GRIK1: variants seen among roughly 807,000 people sequenced by gnomAD.
GRIK1 encodes glutamate ionotropic receptor kainate type subunit 1.
Under a neutral mutation model 105.7 loss-of-function variants are expected in GRIK1, and 69 were observed. The observed-to-expected ratio is 0.65, with a 90% CI of 0.54 to 0.80. The LOEUF is 0.80. Ranked by LOEUF, GRIK1 falls within the 30% of genes least tolerant of loss-of-function variation. The pLI is 0.00. For missense variants in GRIK1, 1,109 were observed against 1,167.3 expected, an observed-to-expected ratio of 0.95 and a Z score of 0.73; for synonymous variants, 438 against 431.3, an observed-to-expected ratio of 1.02 and a Z score of -0.19.
At chr21:29,769,987 T>C (rs2065774047) in intron 1 of GRIK1, among the ~76,000 whole-genome samples, 1 of 152,188 alleles carries the variant, frequency 6.6e-6, no homozygotes, top group Non-Finnish European at 1.5e-5. Flanking sequence ...GATGTGAGTA[T>C]GATGTTGTTT....
chr21:29,844,377 C>G (rs527499206), intron 1 of GRIK1, among the ~76,000 whole-genome samples: 1 of 152,144 alleles, frequency 6.6e-6, no homozygotes, highest in African/African-American at 2.4e-5. Flanking sequence ...GGTCTACATA[C>G]GCCAGTAAAG....
intron 1 of GRIK1, among the ~76,000 whole-genome samples, chr21:29,825,225 T>C (rs1026369012): frequency 2.0e-5 from 3 of 152,124 alleles, no homozygotes; most frequent in African/African-American, 7.2e-5. Context: ...CTGAAGTTTA[T>C]AGTGGCAAGA....
At chr21:29,868,994 T>C (rs982508734) in intron 1 of GRIK1, among the ~76,000 whole-genome samples, 5 of 152,188 alleles carry the variant, frequency 3.3e-5, no homozygotes, top group African/African-American at 1.2e-4. Context: ...AGTAAATATG[T>C]CTTAAACAAG....
chr21:29,551,862 A>G (rs542909671), intron 16 of GRIK1, among the ~76,000 whole-genome samples: 2 of 152,274 alleles, frequency 1.3e-5, no homozygotes, highest in South Asian at 4.1e-4. Flanking sequence ...ATGAAATATG[A>G]AACTAAGAAT....
intron 3 of GRIK1, among the ~76,000 whole-genome samples, chr21:29,683,590 A>G (rs760746934): frequency 7.9e-5 from 12 of 152,188 alleles, no homozygotes; most frequent in Non-Finnish European, 1.2e-4. Flanking sequence ...ACGTGGACAT[A>G]AAGATGGGAA....
Position 29,580,130 on chromosome 21 carries a change from CACAT to C in GRIK1, c.1912+1291_1912+1294del, listed in dbSNP as rs529925543. ...ATATATACATATATACACATATACA[CACAT>C]ATATATACATATATATATACACATA... On this transcript the variant is annotated intron_variant, in intron 13 of 17. Transcript: ENST00000327783. Among the ~76,000 whole-genome samples the C allele has an allele frequency of 3.8e-4, 54 of 141,172 alleles. 1 individual carries two copies. In the South Asian group the frequency reaches 6.0e-3, roughly 16 times the overall value. The allele number at this position is 141,172 out of a possible 152,430, so 92.6% of individuals were successfully genotyped here.
intron 1 of GRIK1, among the ~76,000 whole-genome samples, chr21:29,872,471 G>A (rs1601910109): frequency 6.6e-6 from 1 of 152,050 alleles, no homozygotes; most frequent in South Asian, 2.1e-4. Context: ...TTCTTAACAC[G>A]CAAATTATAC....
chr21:29,891,530 T>C (rs2069898650), intron 1 of GRIK1, among the ~76,000 whole-genome samples: 1 of 152,206 alleles, frequency 6.6e-6, no homozygotes. Flanking sequence ...GATAAAGATT[T>C]GTCTTCAACA....
intron 1 of GRIK1, among the ~76,000 whole-genome samples, chr21:29,725,417 G>C (rs2064432898): frequency 6.6e-6 from 1 of 152,084 alleles, no homozygotes; most frequent in Non-Finnish European, 1.5e-5. Context: ...CTTTCTCTTT[G>C]ATGGCTTTGT....
intron 1 of GRIK1, among the ~76,000 whole-genome samples, chr21:29,856,736 T>C (rs1212369910): frequency 6.6e-6 from 1 of 152,158 alleles, no homozygotes; most frequent in African/African-American, 2.4e-5. Context: ...ATAAATGCTA[T>C]GATGAAAATG....
At chr21:29,834,711 G>C (rs988602849) in intron 1 of GRIK1, among the ~76,000 whole-genome samples, 1 of 150,740 alleles carries the variant, frequency 6.6e-6, no homozygotes, top group African/African-American at 2.4e-5. Context: ...TGTTTAATGA[G>C]TTAACATATA....
intron 3 of GRIK1, among the ~76,000 whole-genome samples, chr21:29,683,050 C>A (rs1244046988): frequency 1.3e-5 from 2 of 152,160 alleles, no homozygotes; most frequent in Non-Finnish European, 2.9e-5. Context: ...CATGACAGAT[C>A]ATCAGAGAAA....
chr21:29,856,703 C>T (rs1277754748), intron 1 of GRIK1, among the ~76,000 whole-genome samples: 9 of 152,102 alleles, frequency 5.9e-5, no homozygotes. Context: ...AAAGGCTTAT[C>T]AATAATTTAT....
chr21:29,653,964 T>C (rs918868454), intron 5 of GRIK1, among the ~76,000 whole-genome samples: 2 of 152,220 alleles, frequency 1.3e-5, no homozygotes, highest in Admixed American at 6.5e-5. Flanking sequence ...GTCCTTATTC[T>C]AAATTCTTTG....
intron 13 of GRIK1, among the ~76,000 whole-genome samples, chr21:29,579,251 G>A (rs2090963329): frequency 6.6e-6 from 1 of 152,044 alleles, no homozygotes; most frequent in African/African-American, 2.4e-5. Context: ...GTTTCTTCAT[G>A]TTTTCTATTT....
At chr21:29,758,128 G>A (rs913223825) in intron 1 of GRIK1, among the ~76,000 whole-genome samples, 2 of 152,152 alleles carry the variant, frequency 1.3e-5, no homozygotes, top group African/African-American at 4.8e-5. Flanking sequence ...AGTCATCCAT[G>A]CCCACCTAAA....
At chr21:29,827,737 G>A (rs190305606) in intron 1 of GRIK1, among the ~76,000 whole-genome samples, 62 of 152,144 alleles carry the variant, frequency 4.1e-4, no homozygotes, top group African/African-American at 1.3e-3. Context: ...CCCTGATTCC[G>A]TTACCCATTG....
chr21:29,707,944 T>C (rs1260422161), intron 1 of GRIK1, among the ~76,000 whole-genome samples: 1 of 152,210 alleles, frequency 6.6e-6, no homozygotes, highest in Non-Finnish European at 1.5e-5. Context: ...TTCACTGTTA[T>C]ACATTCTATT....
At chr21:29,850,356 T>C (rs2068265700) in intron 1 of GRIK1, among the ~76,000 whole-genome samples, 1 of 152,128 alleles carries the variant, frequency 6.6e-6, no homozygotes, top group Non-Finnish European at 1.5e-5. Flanking sequence ...ATTTAAAAAA[T>C]CTCTATCTTT....
Sources: gnomAD v4.1 joint callset for allele counts (sites outside exome capture counted in the v4.1 genomes callset) on GRCh38, gnomAD v4.1.1 for gene constraint, MANE v1.5 for transcripts, NCBI Gene and HGNC (gene_info 2026-07-23, HGNC 2026-07-21) for gene names.